The following NCAPD3 variants were observed in gnomAD, a reference collection of about 807,000 sequenced individuals.
The protein encoded by NCAPD3 is condensin-2 complex subunit D3.
Under a neutral mutation model 182.9 loss-of-function variants are expected in NCAPD3, and 105 were observed. That is an observed-to-expected ratio of 0.57 (90% CI 0.49 to 0.68). The LOEUF (loss-of-function observed/expected upper bound fraction) is 0.68, where lower values mean the gene tolerates loss of function less well. Ranked by LOEUF, NCAPD3 falls within the 30% of genes least tolerant of loss-of-function variation. The pLI is 0.00. For synonymous variants in NCAPD3, 815 were observed against 679.9 expected, an observed-to-expected ratio of 1.20 and a Z score of -3.09; for missense variants, 1,944 against 1,837.0, an observed-to-expected ratio of 1.06 and a Z score of -1.07.
chr11:134,210,092 GA>G (rs1312489445), intron 4 of NCAPD3, among the ~76,000 whole-genome samples, 177 bp downstream of exon 4: 1 of 152,082 alleles, frequency 6.6e-6, no homozygotes, highest in Non-Finnish European at 1.5e-5. Context: ...AAGAAAGTAA[GA>G]AAGAAAGAAA....
chr11:134,186,973 T>C (rs1423232264), intron 16 of NCAPD3, among the ~76,000 whole-genome samples: 1 of 152,220 alleles, frequency 6.6e-6, no homozygotes, highest in Admixed American at 6.5e-5. Flanking sequence ...AATAACGATA[T>C]AAAATATTAA....
At chr11:134,174,535 T>G (rs948286716) in intron 24 of NCAPD3, among the ~76,000 whole-genome samples, 1 of 151,554 alleles carries the variant, frequency 6.6e-6, no homozygotes, top group African/African-American at 2.4e-5. Flanking sequence ...CTCACTCATA[T>G]GTAAGAGTTA....
chr11:134,177,662 C>T (rs1944202780), intron 22 of NCAPD3: 5 of 586,316 alleles, frequency 8.5e-6, no homozygotes, highest in Admixed American at 3.0e-5. Flanking sequence ...ATAAACTCCC[C>T]AGGAGTTATA....
intron 32 of NCAPD3, 73 bp from the exon 33 acceptor site, chr11:134,153,436 G>A (rs1943321130): frequency 9.4e-6 from 14 of 1,482,284 alleles, no homozygotes; most frequent in Non-Finnish European, 1.3e-5. Context: ...GTTGTCCGTG[G>A]GACGTAGGCA....
intron 20 of NCAPD3, among the ~76,000 whole-genome samples, chr11:134,180,703 T>C (rs1326186360): frequency 1.3e-5 from 2 of 152,188 alleles, no homozygotes; most frequent in African/African-American, 2.4e-5. Flanking sequence ...AGAAGACATG[T>C]TAAATTTTTA....
chr11:134,207,729 C>T (rs1267538321), intron 7 of NCAPD3, among the ~76,000 whole-genome samples: 2 of 115,378 alleles, frequency 1.7e-5, no homozygotes, highest in Non-Finnish European at 3.2e-5. Context: ...GGTGTCAGAG[C>T]GAGACTGCGT....
intron 20 of NCAPD3, among the ~76,000 whole-genome samples, chr11:134,179,218 C>T (rs189776935): frequency 7.9e-5 from 12 of 152,234 alleles, no homozygotes; most frequent in Admixed American, 5.2e-4. Flanking sequence ...AATAGGTGTA[C>T]GCTAGGGTTA....
chr11:134,164,326 G>A (rs922107071), intron 27 of NCAPD3, among the ~76,000 whole-genome samples: 4 of 152,262 alleles, frequency 2.6e-5, no homozygotes, highest in Admixed American at 6.5e-5. Context: ...GACTGAGGGA[G>A]TTTTGACAGA....
Position 134,206,700 on chromosome 11 carries a change from A to C in NCAPD3, c.915T>G (p.Ser305Arg). 6.2e-7 allele frequency: 1 copy of C among 1,611,138 alleles called. No individual in the cohort carries two copies. Among genetic ancestry groups the C allele is most frequent in the East Asian group, 2.2e-5 (1 of 44,726 alleles). Residue 305 changes from serine (S) to arginine (R), a missense_variant, in exon 8 of 35, where the codon AGT becomes AGG. Ser to Arg is a moderately radical substitution (Grantham distance 110). Around this residue, in one of 3 missense-constraint regions of NCAPD3, gnomAD observed 1,803 missense variants for 1,674.6 expected, o/e 1.08. Coordinates refer to ENST00000534548, the MANE Select transcript of NCAPD3 (RefSeq NM_015261.3). ...VISCVFHQML[S>R]VILMLEVGEG... ...CACCAACTTCTAACATTAATATTAC[A>C]CTGAGCATTTGATGGAAAACACAAC...
At chr11:134,161,756 A>C in intron 28 of NCAPD3, 25 bp downstream of exon 28, 1 of 1,379,052 alleles carries the variant, frequency 7.3e-7, no homozygotes, top group Middle Eastern at 1.8e-4. Flanking sequence ...GACAACAACC[A>C]CAAAAGCACA....
intron 16 of NCAPD3, 28 bp downstream of exon 16, chr11:134,192,661 G>C: frequency 6.3e-7 from 1 of 1,582,190 alleles, no homozygotes; most frequent in Non-Finnish European, 8.7e-7. Context: ...TTCTTCTATA[G>C]GGAACACAGG....
In NCAPD3 at chr11:134,169,069, G is replaced by A. The variant is rs752785593; in HGVS notation, c.3102-15C>T. The A allele has an allele frequency of 6.8e-6, 11 of 1,610,246 alleles. No homozygotes were observed. The South Asian group carries it at 1.0e-4, about 15-fold the overall frequency. ...ACTCCCCGAAGCTGCAAAGGTGAGA[G>A]AAACAAAGAGGGAGACCCATTTGCT... On this transcript the variant is annotated splice_polypyrimidine_tract_variant and intron_variant, in intron 24 of 34. Coordinates refer to ENST00000534548, the MANE Select transcript of NCAPD3 (RefSeq NM_015261.3).
intron 20 of NCAPD3, 31 bp downstream of exon 20, chr11:134,181,046 A>C: frequency 2.0e-6 from 3 of 1,527,532 alleles, no homozygotes; most frequent in Non-Finnish European, 1.8e-6. Flanking sequence ...AATGGAAGCG[A>C]AAAGAATGGT....
Position 134,202,849 on chromosome 11 carries a change from T to A in NCAPD3, c.1582A>T (p.Ile528Leu). ...NRSEPSGEIN[I>L]DSSGETVGSG... ...CCAACTGTTTCACCACTGCTGTCTA[T>A]GTTGATCTCCCCTGAGGGTTCGGAA... The change falls in exon 13 of 35, where the codon ATA becomes TTA. Residue 528 changes from isoleucine (I) to leucine (L), a missense_variant. Ile to Leu is a conservative substitution (Grantham distance 5, BLOSUM62 2). This residue lies in a region of NCAPD3 where 1,803 missense variants were observed against 1,674.6 expected (regional missense o/e 1.08). Coordinates refer to ENST00000534548, the MANE Select transcript of NCAPD3 (RefSeq NM_015261.3). 1 of 1,609,996 alleles carries A rather than the reference T, an allele frequency of 6.2e-7. No individual in the cohort carries two copies. Among genetic ancestry groups the A allele is most frequent in the Non-Finnish European group, 8.5e-7 (1 of 1,179,010 alleles).
intron 27 of NCAPD3, among the ~76,000 whole-genome samples, chr11:134,165,692 G>T (rs539794614): frequency 6.8e-6 from 1 of 146,744 alleles, no homozygotes; most frequent in Non-Finnish European, 1.5e-5. Flanking sequence ...TTTGTGAGAT[G>T]AGCTTGGGGG....
intron 2 of NCAPD3, among the ~76,000 whole-genome samples, chr11:134,220,121 G>C (rs1938172113): frequency 6.6e-6 from 1 of 151,900 alleles, no homozygotes; most frequent in Admixed American, 6.6e-5. Context: ...TAAGGTTAAG[G>C]CATGTCTGAA....
In NCAPD3 at chr11:134,204,319, A is replaced by G; in HGVS notation, c.1090-148T>C. The stretch of plus-strand genomic sequence containing the variant: ...AAATGACTAATAAATTTTAGGTTTT[A>G]GAACACTTCAAAACTAATCTAAAGG... On this transcript the variant is annotated intron_variant, in intron 9 of 34. Coordinates refer to ENST00000534548, the MANE Select transcript of NCAPD3 (RefSeq NM_015261.3). The surrounding 1 kb of genome is among the most constrained non-coding windows in gnomAD (Gnocchi z 4.3). 1 of 856,348 alleles carries G rather than the reference A, an allele frequency of 1.2e-6. No homozygotes were observed. Among genetic ancestry groups the G allele is most frequent in the East Asian group, 2.7e-5 (1 of 37,242 alleles). The allele number at this position is 856,348 out of a possible 1,614,324, so 53.0% of individuals were successfully genotyped here.
intron 16 of NCAPD3, among the ~76,000 whole-genome samples, chr11:134,188,687 G>A (rs1349539466): frequency 6.6e-6 from 1 of 152,156 alleles, no homozygotes; most frequent in Non-Finnish European, 1.5e-5. Flanking sequence ...GAACCCACCA[G>A]AGGGAAGAAA....
chr11:134,179,083 A>G lies in NCAPD3; in HGVS notation c.2560-147T>C, dbSNP rs78400535. 13,330 of 615,708 alleles carry G rather than the reference A, an allele frequency of 0.022. 1,398 individuals are homozygous for G. In the African/African-American group the frequency reaches 0.22, roughly 10 times the overall value. The allele number at this position is 615,708 out of a possible 1,614,324, so 38.1% of individuals were successfully genotyped here. A position where few individuals can be genotyped will look rare whatever the true frequency, so the allele number is the denominator to read the frequency against. ...TTTCGTTTCATAAAAATACATGGCTATTGTAAAAACTTAGTCACTATGTAA... is the reference window on the plus strand; with the variant it reads ...TTTCGTTTCATAAAAATACATGGCTGTTGTAAAAACTTAGTCACTATGTAA... On this transcript the variant is annotated intron_variant, in intron 20 of 34. Coordinates refer to ENST00000534548, the MANE Select transcript of NCAPD3 (RefSeq NM_015261.3).
Sources: gnomAD v4.1 joint callset for allele counts (sites outside exome capture counted in the v4.1 genomes callset) on GRCh38, gnomAD v4.1.1 for gene constraint, gnomAD v4.1.1 regional missense constraint, Gnocchi (gnomAD v3.1) non-coding constraint, MANE v1.5 for transcripts, NCBI Gene and HGNC (gene_info 2026-07-23, HGNC 2026-07-21) for gene names.